Variants in HEXB observed in about 807,000 individuals in gnomAD.
HEXB encodes the protein hexosaminidase subunit beta.
A neutral mutation model predicts 71.2 loss-of-function variants in HEXB; 51 were observed. The observed-to-expected ratio is 0.72, with a 90% CI of 0.57 to 0.90. The LOEUF (loss-of-function observed/expected upper bound fraction) is 0.90, where lower values mean the gene tolerates loss of function less well. Ranked by LOEUF, HEXB falls within the 40% of genes least tolerant of loss-of-function variation. HEXB has a pLI of 0.00. For synonymous variants in HEXB, 266 were observed against 249.3 expected, an observed-to-expected ratio of 1.07 and a Z score of -0.63; for missense variants, 617 against 677.0, an observed-to-expected ratio of 0.91 and a Z score of 0.98.
Position 74,720,686 on chromosome 5 carries a change from G to C in HEXB, c.1552G>C (p.Asp518His). 6.2e-7 allele frequency: 1 copy of C among 1,614,184 alleles called. No individual in the cohort carries two copies. Among genetic ancestry groups the C allele is most frequent in the Non-Finnish European group, 8.5e-7 (1 of 1,180,034 alleles). Residue 518 changes from aspartate (D) to histidine (H), a missense_variant, in exon 13 of 14, where the codon GAT becomes CAT. Coordinates refer to ENST00000261416, the MANE Select transcript of HEXB (RefSeq NM_000521.4). ...AVGERLWSSK[D>H]VRDMDDAYDR... ...TGGTGAGAGACTCTGGAGTTCCAAA[G>C]ATGTCAGAGATATGGATGACGCCTA...
chr5:74,657,621 AT>A (rs1451490993), intron 1 of HEXB, among the ~76,000 whole-genome samples: 1 of 152,236 alleles, frequency 6.6e-6, no homozygotes, highest in African/African-American at 2.4e-5. Flanking sequence ...TGCACAAAAA[AT>A]ATTTGTTAAA....
intron 1 of HEXB, among the ~76,000 whole-genome samples, chr5:74,658,549 G>GCAAT (rs781663584): frequency 1.3e-5 from 2 of 151,792 alleles, no homozygotes; most frequent in African/African-American, 4.8e-5. Context: ...AGCTAGGTGG[G>GCAAT]CAATCAATCA....
chr5:74,690,200 C>A (rs761106490), intron 2 of HEXB, among the ~76,000 whole-genome samples: 2 of 152,004 alleles, frequency 1.3e-5, no homozygotes, highest in Non-Finnish European at 2.9e-5. Flanking sequence ...TAGGGCTTTT[C>A]CCAAATTGTT....
At position 74,665,701 on chromosome 5, in the gene HEXB, GACCAA is replaced by G. The variant is rs551427708; in HGVS notation, c.-376-23625_-376-23621del. ...CAGATAAGAACATAAACAACTGCAA[GACCAA>G]AGACTCTGTGGAACAAATTCACTAG... On this transcript the variant is annotated intron_variant, in intron 1 of 13. Coordinates refer to the HEXB transcript ENST00000511181. Among the ~76,000 whole-genome samples the G allele has an allele frequency of 9.2e-5, 14 of 152,282 alleles. No individual in the cohort carries two copies. In the South Asian group the frequency reaches 2.7e-3, roughly 29 times the overall value.
In HEXB at chr5:74,651,888, A is replaced by G. The variant is rs144546798; in HGVS notation, c.-377+11330A>G. On this transcript the variant is annotated intron_variant, in intron 1 of 13. Coordinates refer to the HEXB transcript ENST00000511181. ...TAAGACTTAGGTAATGGAAAGCCAG[A>G]GCATATCTCCAGGTTCACAATAAGT... is the stretch of plus-strand genomic sequence containing the variant. Among the ~76,000 whole-genome samples, 34 of 152,344 alleles carry G rather than the reference A, an allele frequency of 2.2e-4. No individual in the cohort carries two copies. In the East Asian group the frequency reaches 3.5e-3, roughly 16 times the overall value.
At chr5:74,642,447 G>A (rs966100287) in intron 1 of HEXB, among the ~76,000 whole-genome samples, 4 of 152,148 alleles carry the variant, frequency 2.6e-5, no homozygotes, top group Non-Finnish European at 4.4e-5. Flanking sequence ...TCCAGAGATA[G>A]GTGCTGAAAA....
At chr5:74,719,409 A>T (rs62366371) in intron 11 of HEXB, among the ~76,000 whole-genome samples, 10,911 of 152,222 alleles carry the variant, frequency 0.072, 606 homozygotes, top group East Asian at 0.16. Flanking sequence ...TCTGAGGAGT[A>T]GAATCCTTGG....
At chr5:74,671,731 T>C (rs1222266193) in intron 1 of HEXB, among the ~76,000 whole-genome samples, 1 of 152,238 alleles carries the variant, frequency 6.6e-6, no homozygotes, top group Non-Finnish European at 1.5e-5. Flanking sequence ...TTTTATCTTA[T>C]ACTTGCTGAT....
At chr5:74,664,841 C>T (rs1748404840) in intron 1 of HEXB, among the ~76,000 whole-genome samples, 1 of 152,172 alleles carries the variant, frequency 6.6e-6, no homozygotes, top group African/African-American at 2.4e-5. Context: ...GGATGAATAT[C>T]TTTACTATGG....
At chr5:74,688,360 C>T (rs1424354382) in intron 1 of HEXB, among the ~76,000 whole-genome samples, 1 of 140,762 alleles carries the variant, frequency 7.1e-6, no homozygotes, top group South Asian at 2.2e-4. Flanking sequence ...GAGATGGAGT[C>T]TCGTTCTGTC....
chr5:74,720,485 ATG>A lies in HEXB; in HGVS notation c.1478_1479del (p.Val493GlyfsTer4). ...GGAGAAGCTTGTCTATGGGGAGAAT[ATG>A]TGGATGCAACTAACCTCACTCCAAG... is the stretch of plus-strand genomic sequence containing the variant. On this transcript the variant is annotated frameshift_variant, in exon 12 of 14. Transcript: ENST00000261416. LOFTEE classifies it high-confidence loss of function. 1 of 1,613,694 alleles carries A rather than the reference ATG, an allele frequency of 6.2e-7. No individual in the cohort carries two copies. Among genetic ancestry groups the A allele is most frequent in the Non-Finnish European group, 8.5e-7 (1 of 1,179,534 alleles).
At chr5:74,672,563 T>C (rs1337786552) in intron 1 of HEXB, among the ~76,000 whole-genome samples, 1 of 152,050 alleles carries the variant, frequency 6.6e-6, no homozygotes, top group African/African-American at 2.4e-5. Context: ...CCAAGAACAT[T>C]CTCTCTCACG....
intron 1 of HEXB, among the ~76,000 whole-genome samples, chr5:74,642,677 G>A (rs886288938): frequency 2.0e-5 from 3 of 151,666 alleles, no homozygotes; most frequent in African/African-American, 7.3e-5. Context: ...AGCTCAGCTG[G>A]TTGGTTGGGG....
chr5:74,680,172 C>T (rs1748712994), intron 1 of HEXB, among the ~76,000 whole-genome samples: 1 of 152,190 alleles, frequency 6.6e-6, no homozygotes. Context: ...GGAAGGATGA[C>T]TCGCAAATCA....
chr5:74,696,494 A>AT (rs892286759), intron 3 of HEXB, among the ~76,000 whole-genome samples, 199 bp from the exon 4 acceptor site: 73 of 151,770 alleles, frequency 4.8e-4, no homozygotes, highest in African/African-American at 1.6e-3. Flanking sequence ...AGTGCAATGG[A>AT]TTTTTTTTTA....
chr5:74,719,541 G>A (rs1229130234), intron 11 of HEXB, among the ~76,000 whole-genome samples: 3 of 152,098 alleles, frequency 2.0e-5, no homozygotes, highest in Non-Finnish European at 4.4e-5. Flanking sequence ...CACTGAAAAA[G>A]GATTTTGCTG....
chr5:74,714,743 T>C (rs1234726763), intron 7 of HEXB, among the ~76,000 whole-genome samples: 2 of 152,234 alleles, frequency 1.3e-5, no homozygotes, highest in Admixed American at 1.3e-4. Flanking sequence ...GTAAAGCACA[T>C]AGCACAGTAC....
chr5:74,645,371 AT>A (rs1346004365), intron 1 of HEXB, among the ~76,000 whole-genome samples: 1 of 152,102 alleles, frequency 6.6e-6, no homozygotes, highest in Non-Finnish European at 1.5e-5. Context: ...CTGGCTCCAT[AT>A]AGTATGATTT....
chr5:74,657,396 C>T lies in HEXB; in HGVS notation c.-377+16838C>T, dbSNP rs376840064. On this transcript the variant is annotated intron_variant, in intron 1 of 13. Transcript: ENST00000511181. The stretch of plus-strand genomic sequence containing the variant: ...CAGGTCTTTCCTTTCATTCAACTCT[C>T]TGCTCAGATAACTCCTATTAGCGAG... Among the ~76,000 whole-genome samples, 6 of 152,312 alleles carry T rather than the reference C, an allele frequency of 3.9e-5. 1 individual carries two copies. The South Asian group carries it at 6.2e-4, about 16-fold the overall frequency.
Sources: gnomAD v4.1 joint callset for allele counts (sites outside exome capture counted in the v4.1 genomes callset) on GRCh38, gnomAD v4.1.1 for gene constraint, MANE v1.5 for transcripts, NCBI Gene and HGNC (gene_info 2026-07-23, HGNC 2026-07-21) for gene names.